Variants in ZNF724 observed in about 807,000 individuals in gnomAD.
ZNF724 encodes the protein zinc finger protein 724, also known as zinc finger protein 724 pseudogene.
A neutral mutation model predicts 29.3 loss-of-function variants in ZNF724; 14 were observed. The ratio of observed to expected loss-of-function variants is 0.48; its 90% CI spans 0.32 to 0.75. The LOEUF (loss-of-function observed/expected upper bound fraction) is 0.75. Among genes scored for constraint, ZNF724 ranks in the 30% least tolerant of loss-of-function variants. The pLI, the probability that ZNF724 is intolerant of heterozygous loss-of-function variation, is 0.04. For synonymous variants in ZNF724, 180 were observed against 193.6 expected (o/e 0.93, Z 0.58); for missense variants, 557 against 571.2 (o/e 0.98, Z 0.25).
At chr19:23,249,542 G>GACCGCGCC (rs1464979192) in intron 1 of ZNF724, among the ~76,000 whole-genome samples, 1 of 151,916 alleles carries the variant, frequency 6.6e-6, no homozygotes, top group East Asian at 1.9e-4. Context: ...GGGATTACAG[G>GACCGCGCC]ACCGCGCCAC....
chr19:23,239,552 C>T (rs11667897), intron 1 of ZNF724, among the ~76,000 whole-genome samples: 51,497 of 152,020 alleles, frequency 0.34, 9,228 homozygotes, highest in African/African-American at 0.46. Context: ...AAACCAGAAT[C>T]GCTACAACAC....
intron 1 of ZNF724, among the ~76,000 whole-genome samples, chr19:23,249,067 CAG>C (rs1972299482): frequency 6.6e-6 from 1 of 151,936 alleles, no homozygotes; most frequent in South Asian, 2.1e-4. Flanking sequence ...GACAGGAAGA[CAG>C]AAAGAATATA....
Position 23,232,384 on chromosome 19 carries a change from A to G in ZNF724, c.4-91T>C, listed in dbSNP as rs73559562. 4.1e-3 allele frequency: 2,905 copies of G among 707,346 alleles called. 81 individuals carry two copies. The African/African-American group carries it at 0.046, about 11-fold the overall frequency. 43.8% of individuals were successfully genotyped at this position (707,346 alleles called of 1,614,324 possible). A position where few individuals can be genotyped will look rare whatever the true frequency, so the allele number is the denominator to read the frequency against. ...TGAAATGAAAGACTAAGGAGTACTC[A>G]TTCTGACTTATAAAAGTGAATGAAA... is the stretch of plus-strand genomic sequence containing the variant. On this transcript the variant is annotated intron_variant, in intron 1 of 3. Transcript: ENST00000418100.
chr19:23,222,622 T>C lies in ZNF724; in HGVS notation c.1623A>G (p.Lys541=), dbSNP rs748329042. Residue 541 remains lysine (K), a synonymous_variant, in exon 4 of 4, where the codon AAA becomes AAG. Transcript: ENST00000418100. ...TAAGGTTTGAGTATTGGTAAAAAGC[T>C]TTGCCACATTCTTCACATTTGTAGG... ...EKPYKCEECG[K]AFYQYSNLTQ... The C allele has an allele frequency of 2.2e-5, 30 of 1,358,986 alleles. No individual in the cohort carries two copies. The East Asian group carries it at 6.7e-4, about 30-fold the overall frequency. 84.2% of individuals were successfully genotyped at this position (1,358,986 alleles called of 1,614,324 possible).
chr19:23,229,088 A>C (rs1021167546), intron 3 of ZNF724, among the ~76,000 whole-genome samples: 5 of 151,456 alleles, frequency 3.3e-5, no homozygotes, highest in Admixed American at 2.6e-4. Flanking sequence ...AGAGAGATTG[A>C]GAGAGAGAGC....
intron 1 of ZNF724, among the ~76,000 whole-genome samples, chr19:23,248,059 C>CA (rs1240548704): frequency 6.6e-6 from 1 of 151,984 alleles, no homozygotes; most frequent in Non-Finnish European, 1.5e-5. Flanking sequence ...ATAAAGTTTA[C>CA]AAAAAACACT....
chr19:23,233,050 T>C (rs1971965114), intron 1 of ZNF724, among the ~76,000 whole-genome samples: 1 of 152,136 alleles, frequency 6.6e-6, no homozygotes, highest in African/African-American at 2.4e-5. Flanking sequence ...TCAACTGCAC[T>C]AGGACAAATT....
At chr19:23,226,596 T>A (rs918697696) in intron 3 of ZNF724, among the ~76,000 whole-genome samples, 2 of 152,060 alleles carry the variant, frequency 1.3e-5, no homozygotes, top group Non-Finnish European at 2.9e-5. Context: ...TAACTTCAAA[T>A]AACAAAAGTG....
chr19:23,224,763 C>T (rs926546446), intron 3 of ZNF724, among the ~76,000 whole-genome samples: 3 of 151,968 alleles, frequency 2.0e-5, no homozygotes, highest in Non-Finnish European at 2.9e-5. Flanking sequence ...GGAACCACCC[C>T]GGCCAATATG....
intron 1 of ZNF724, 81 bp from the exon 2 acceptor site, chr19:23,232,374 A>G: frequency 1.3e-6 from 1 of 749,248 alleles, no homozygotes; most frequent in Non-Finnish European, 2.4e-6. Context: ...TGAAAGACTA[A>G]GGAGTACTCA....
intron 1 of ZNF724, among the ~76,000 whole-genome samples, chr19:23,238,399 A>T (rs762903295): frequency 3.9e-5 from 6 of 152,058 alleles, no homozygotes; most frequent in Non-Finnish European, 7.4e-5. Context: ...AAGCAAAAAC[A>T]CTGCAATGGT....
intron 3 of ZNF724, among the ~76,000 whole-genome samples, chr19:23,226,327 A>G (rs1378575750): frequency 2.0e-5 from 3 of 152,110 alleles, no homozygotes; most frequent in African/African-American, 7.2e-5. Context: ...CTGGGATTAC[A>G]GGCGTGAGCC....
chr19:23,225,239 C>T (rs1489149079), intron 3 of ZNF724, among the ~76,000 whole-genome samples: 1 of 152,070 alleles, frequency 6.6e-6, no homozygotes, highest in African/African-American at 2.4e-5. Flanking sequence ...GCTGAAGTAA[C>T]CCAGATGTCT....
chr19:23,246,960 C>T (rs1343001839), intron 1 of ZNF724, among the ~76,000 whole-genome samples: 10 of 152,144 alleles, frequency 6.6e-5, no homozygotes, highest in Admixed American at 4.6e-4. Flanking sequence ...CGGTGACTCA[C>T]GCCTGTAATC....
At chr19:23,249,701 T>G (rs1568348147) in intron 1 of ZNF724, among the ~76,000 whole-genome samples, 1 of 152,032 alleles carries the variant, frequency 6.6e-6, no homozygotes, top group Admixed American at 6.6e-5. Context: ...GCCAGACTAA[T>G]TTTTATATTT....
chr19:23,223,917 T>C lies in ZNF724; in HGVS notation c.328A>G (p.Asn110Asp). Residue 110 changes from asparagine to aspartate, a missense_variant, in exon 4 of 4, where the codon AAT becomes GAT. Physicochemically the swap from Asn to Asp is conservative, Grantham distance 23. Coordinates refer to ENST00000418100, the MANE Select transcript of ZNF724 (RefSeq NM_001355404.2). ...TTATAGCCTTTTTTTAACTGTAAAT[T>C]GTGATGTCCACATTTTTCATATTTT... ...LRKYEKCGHH[N>D]LQLKKGYKSV... The C allele has an allele frequency of 1.3e-6, 1 of 770,530 alleles. No homozygotes were observed. The highest frequency in any genetic ancestry group is 2.4e-6 in the Non-Finnish European group (1 of 414,724). 47.7% of individuals were successfully genotyped at this position (770,530 alleles called of 1,614,324 possible).
chr19:23,246,201 A>C (rs1972229615), intron 1 of ZNF724, among the ~76,000 whole-genome samples: 1 of 152,218 alleles, frequency 6.6e-6, no homozygotes. Flanking sequence ...ATATAAAAGA[A>C]AAAAAATTTA....
intron 1 of ZNF724, 58 bp from the exon 2 acceptor site, chr19:23,232,351 A>G (rs1971951630): frequency 3.4e-6 from 3 of 874,488 alleles, no homozygotes; most frequent in Non-Finnish European, 5.7e-6. Context: ...TTTTAATTTG[A>G]TTCAAGTTGA....
At chr19:23,237,457 G>A (rs913370078) in intron 1 of ZNF724, among the ~76,000 whole-genome samples, 10 of 151,784 alleles carry the variant, frequency 6.6e-5, no homozygotes, top group African/African-American at 1.9e-4. Flanking sequence ...TAATTTTAAT[G>A]TACTAGTAAT....
Sources: gnomAD v4.1 joint callset for allele counts (sites outside exome capture counted in the v4.1 genomes callset) on GRCh38, gnomAD v4.1.1 for gene constraint, MANE v1.5 for transcripts, NCBI Gene and HGNC (gene_info 2026-07-23, HGNC 2026-07-21) for gene names.